PCDH15: variants seen among roughly 807,000 people sequenced by gnomAD.
The protein encoded by PCDH15 is protocadherin related 15.
In PCDH15, 129 loss-of-function variants were observed where a neutral mutation model predicts 178.5. The ratio of observed to expected loss-of-function variants is 0.72; its 90% CI spans 0.63 to 0.84. PCDH15 has a LOEUF of 0.84. PCDH15 is among the 40% of genes least tolerant of loss of function. The pLI is 0.00. For synonymous variants in PCDH15, 800 were observed against 732.0 expected (o/e 1.09, Z -1.50); for missense variants, 2,230 against 2,099.9 (o/e 1.06, Z -1.21).
At chr10:54,686,887 G>A (rs1311338226) in intron 1 of PCDH15, among the ~76,000 whole-genome samples, 1 of 152,084 alleles carries the variant, frequency 6.6e-6, no homozygotes, top group Non-Finnish European at 1.5e-5. Context: ...TTTGATAAAG[G>A]TTTGATCTCC....
intron 4 of PCDH15, 139 bp from the exon 5 acceptor site, chr10:54,369,414 T>A: frequency 1.2e-6 from 1 of 825,498 alleles, no homozygotes; most frequent in South Asian, 1.6e-5. Flanking sequence ...AAAATGATCA[T>A]TTTAAGGACA....
intron 2 of PCDH15, among the ~76,000 whole-genome samples, chr10:55,541,144 T>C (rs1446697039): frequency 6.6e-6 from 1 of 152,080 alleles, no homozygotes; most frequent in African/African-American, 2.4e-5. Context: ...TACATATTCA[T>C]TACTTTGTTT....
intron 2 of PCDH15, among the ~76,000 whole-genome samples, chr10:54,585,839 T>C (rs2091425345): frequency 6.6e-6 from 1 of 152,154 alleles, no homozygotes; most frequent in Non-Finnish European, 1.5e-5. Flanking sequence ...GCTCATTAAA[T>C]GAAAAATAAT....
At chr10:54,230,217 G>A (rs1289040602) in intron 9 of PCDH15, among the ~76,000 whole-genome samples, 1 of 152,238 alleles carries the variant, frequency 6.6e-6, no homozygotes, top group African/African-American at 2.4e-5. Context: ...AAGCATTCTA[G>A]AGAATGGTAA....
upstream of PCDH15, among the ~76,000 whole-genome samples, chr10:54,804,927 T>TTTTATATATATATATA (rs536235796): frequency 2.2e-4 from 11 of 50,844 alleles, 2 homozygotes; most frequent in Middle Eastern, 0.016. Flanking sequence ...TCATAGTAGA[T>TTTTATATATATATATA]TATATATATA....
intron 2 of PCDH15, among the ~76,000 whole-genome samples, chr10:54,984,904 A>C (rs1403364316): frequency 1.3e-5 from 2 of 152,114 alleles, no homozygotes; most frequent in African/African-American, 4.8e-5. Flanking sequence ...GTCTCTTCTG[A>C]AGTCTTCTCT....
At chr10:53,956,497 T>C (rs1272361897) in intron 23 of PCDH15, among the ~76,000 whole-genome samples, 4 of 152,188 alleles carry the variant, frequency 2.6e-5, no homozygotes, top group African/African-American at 4.8e-5. Flanking sequence ...CAAAAAGTAG[T>C]GTCCTTGTTC....
rs937753994 is a variant in PCDH15 at position 54,055,149 on chromosome 10, T to C, written c.2220+11608A>G. On this transcript the variant is annotated intron_variant, in intron 18 of 37. Coordinates refer to ENST00000644397, the MANE Select transcript of PCDH15 (RefSeq NM_001384140.1). ...TGTATCACTACCCTTCCAAACACTGTAGTTTACTAATGATTTTAAAACTTC... is the reference window on the plus strand; with the variant it reads ...TGTATCACTACCCTTCCAAACACTGCAGTTTACTAATGATTTTAAAACTTC... 2.0e-5 allele frequency among the ~76,000 whole-genome samples: 3 copies of C among 152,180 alleles called. No individual in the cohort carries two copies. The South Asian group carries it at 6.2e-4, about 32-fold the overall frequency.
rs767558664 is a variant in PCDH15, at chr10:54,195,780, T to C, written c.1208A>G (p.Tyr403Cys). The change falls in exon 11 of 38, where the codon TAT becomes TGT. Residue 403 changes from tyrosine to cysteine, a missense_variant. Transcript: ENST00000644397. ...TCCCACTGGGGCAGATTCCAGGATA[T>C]AGCCTTGATAACTGGGCATTGTAAA... Reference protein sequence around the residue: ...PYFTMPSYQGYILESAPVGAT... With the variant: ...PYFTMPSYQGCILESAPVGAT... 16 of 1,613,938 alleles carry C rather than the reference T, an allele frequency of 9.9e-6. No individual in the cohort carries two copies. The highest frequency in any genetic ancestry group is 1.6e-4 in the Middle Eastern group (1 of 6,082).
chr10:54,601,960 C>T (rs2092557061), intron 2 of PCDH15, among the ~76,000 whole-genome samples: 1 of 151,798 alleles, frequency 6.6e-6, no homozygotes, highest in African/African-American at 2.4e-5. Context: ...AAGACAGCAA[C>T]AACCAGACAG....
intron 3 of PCDH15, among the ~76,000 whole-genome samples, chr10:54,824,480 A>G (rs1163646921): frequency 6.6e-6 from 1 of 152,130 alleles, no homozygotes; most frequent in Non-Finnish European, 1.5e-5. Flanking sequence ...GTCAGGATGC[A>G]TGAGTAGGCA....
At chr10:53,876,502 G>A (rs1227187596) in intron 26 of PCDH15, among the ~76,000 whole-genome samples, 1 of 151,706 alleles carries the variant, frequency 6.6e-6, no homozygotes, top group East Asian at 1.9e-4. Context: ...TGTATTTTTA[G>A]AAACCAGAAA....
intron 2 of PCDH15, among the ~76,000 whole-genome samples, chr10:55,463,584 A>G (rs1310227393): frequency 6.6e-6 from 1 of 152,084 alleles, no homozygotes; most frequent in Non-Finnish European, 1.5e-5. Flanking sequence ...ACTTGAGTCC[A>G]GTAGGTGCAG....
At chr10:55,602,938 C>G (rs1479867946) in intron 2 of PCDH15, among the ~76,000 whole-genome samples, 2 of 152,080 alleles carry the variant, frequency 1.3e-5, no homozygotes, top group Non-Finnish European at 2.9e-5. Flanking sequence ...TCAAATTACT[C>G]TGAGCTACGG....
chr10:55,210,959 G>C (rs904525492), intron 1 of PCDH15, among the ~76,000 whole-genome samples: 1 of 151,844 alleles, frequency 6.6e-6, no homozygotes, highest in Non-Finnish European at 1.5e-5. Flanking sequence ...TGTAAATATA[G>C]AGTCCCTCTC....
intron 15 of PCDH15, among the ~76,000 whole-genome samples, chr10:54,096,595 C>T (rs144171101): frequency 3.6e-3 from 553 of 152,224 alleles, no homozygotes; most frequent in Middle Eastern, 6.8e-3. Context: ...CTAGCAGATC[C>T]CATGCACCTT....
chr10:55,130,895 T>C (rs1369349863), intron 2 of PCDH15, among the ~76,000 whole-genome samples: 1 of 152,082 alleles, frequency 6.6e-6, no homozygotes, highest in Non-Finnish European at 1.5e-5. Context: ...TTATAAAAAA[T>C]GTTATCTTAC....
chr10:54,020,520 C>A, intron 19 of PCDH15, 104 bp from the exon 20 acceptor site: 2 of 1,127,920 alleles, frequency 1.8e-6, no homozygotes, highest in Non-Finnish European at 2.6e-6. Context: ...ATCAATTTAA[C>A]GAGGACAAAA....
intron 14 of PCDH15, among the ~76,000 whole-genome samples, chr10:54,146,935 A>ATATATATACTGTATATATATATAG (rs1564530464): frequency 4.7e-5 from 3 of 63,320 alleles, no homozygotes; most frequent in African/African-American, 2.1e-4. Context: ...TATATATATA[A>ATATATATACTGTATATATATATAG]TGTATATATA....
Sources: allele counts gnomAD v4.1 joint callset (sites outside exome capture counted in the v4.1 genomes callset), GRCh38; gene constraint gnomAD v4.1.1; transcripts MANE v1.5; gene names NCBI Gene and HGNC (gene_info 2026-07-23, HGNC 2026-07-21).